HSPA12B: variants seen among roughly 807,000 people sequenced by gnomAD.
HSPA12B encodes heat shock protein family A (Hsp70) member 12B, also known as heat shock 70 kDa protein 12B.
HSPA12B carries 54 observed loss-of-function variants against 69.3 expected under a neutral mutation model. That is an observed-to-expected ratio of 0.78 (90% CI 0.63 to 0.98). The LOEUF is 0.98. Ranked by LOEUF, HSPA12B falls within the 50% of genes least tolerant of loss-of-function variation. HSPA12B has a pLI of 0.00. For missense variants in HSPA12B, 929 were observed against 999.8 expected, an observed-to-expected ratio of 0.93 and a Z score of 0.96; for synonymous variants, 441 against 436.5, an observed-to-expected ratio of 1.01 and a Z score of -0.13.
intron 11 of HSPA12B, chr20:3,750,509 C>T (rs796840038): frequency 1.6e-5 from 4 of 256,222 alleles, no homozygotes; most frequent in African/African-American, 9.2e-5. Flanking sequence ...TACACCCCCA[C>T]CCCGGGCCCT....
chr20:3,747,351 A>G (rs2088324890), intron 7 of HSPA12B, among the ~76,000 whole-genome samples: 1 of 152,194 alleles, frequency 6.6e-6, no homozygotes, highest in Admixed American at 6.5e-5. Context: ...CCCTGAGCAC[A>G]GTGGACATCC....
intron 4 of HSPA12B, among the ~76,000 whole-genome samples, chr20:3,743,404 A>C (rs1220992670): frequency 1.3e-5 from 2 of 151,914 alleles, no homozygotes; most frequent in Non-Finnish European, 2.9e-5. Flanking sequence ...CTGTGTTGCC[A>C]GGGCTGGTCT....
rs928139918 is a variant in HSPA12B at position 3,740,342 on chromosome 20, G to A, written c.44-473G>A. Among the ~76,000 whole-genome samples, 15 of 152,120 alleles carry A rather than the reference G, an allele frequency of 9.9e-5. No homozygotes were observed. The highest frequency in any genetic ancestry group is 3.6e-4 in the African/African-American group (15 of 41,428). ...TCCCTCAAGTCCTGATTAGAACCAC[G>A]TGGCCCAACTTTAGGGTGGAGGGGA... On this transcript the variant is annotated intron_variant, in intron 2 of 12. Coordinates refer to ENST00000254963, the MANE Select transcript of HSPA12B (RefSeq NM_052970.5). The surrounding 1 kb of genome is among the most constrained non-coding windows in gnomAD (Gnocchi z 4.9).
intron 3 of HSPA12B, among the ~76,000 whole-genome samples, chr20:3,741,155 C>G (rs922936274): frequency 6.6e-6 from 1 of 152,132 alleles, no homozygotes; most frequent in African/African-American, 2.4e-5. Context: ...TCCCAACCCC[C>G]CCACACAGGA....
chr20:3,742,295 C>T lies in HSPA12B; in HGVS notation c.153C>T (p.Val51=), dbSNP rs776050974. 1.2e-6 allele frequency: 2 copies of T among 1,613,874 alleles called. No homozygotes were observed. Among genetic ancestry groups the T allele is most frequent in the South Asian group, 1.1e-5 (1 of 91,064 alleles). The change falls in exon 4 of 13, where the codon GTC becomes GTT. Residue 51 remains valine, a synonymous_variant. Coordinates refer to ENST00000254963, the MANE Select transcript of HSPA12B (RefSeq NM_052970.5). ...LTPSQSPKPE[V]RAPQQASFSV... is the part of the protein sequence containing the mutation. ...TCTTGCACTTGCAGAAACCCGAGGT[C>T]CGAGCCCCCCAGCAGGCCTCCTTCT... is the stretch of plus-strand genomic sequence containing the variant.
At position 3,751,960 on chromosome 20, in the gene HSPA12B, A is replaced by G. The variant is rs1281594807; in HGVS notation, c.1855A>G (p.Ile619Val). 1 of 1,582,234 alleles carries G rather than the reference A, an allele frequency of 6.3e-7. No homozygotes were observed. Among genetic ancestry groups the G allele is most frequent in the Non-Finnish European group, 8.6e-7 (1 of 1,169,352 alleles). The change falls in exon 13 of 13, where the codon ATC (isoleucine) becomes GTC (valine). Residue 619 changes from isoleucine (I) to valine (V), a missense_variant. Ile to Val is a conservative substitution (Grantham distance 29, BLOSUM62 3). This residue lies in a region of HSPA12B where 448 missense variants were observed against 448.1 expected (regional missense o/e 1.00). Transcript: ENST00000254963. ...CTGCGCGGCAGAGGATGCGCGCTTC[A>G]TCACCGACCCCGGCGTGCGCAAATG... ...YCCAAEDARF[I>V]TDPGVRKCGA...
intron 11 of HSPA12B, chr20:3,750,562 A>T: frequency 1.8e-6 from 1 of 552,642 alleles, no homozygotes; most frequent in Non-Finnish European, 2.3e-6. Flanking sequence ...AAGCAAGGGG[A>T]GGCCCCTCCC....
At chr20:3,733,991 C>T (rs2088070093) in intron 1 of HSPA12B, among the ~76,000 whole-genome samples, 1 of 152,206 alleles carries the variant, frequency 6.6e-6, no homozygotes, top group South Asian at 2.1e-4. Context: ...GGAAGAGATC[C>T]TCCGAGGATT....
chr20:3,735,215 G>T (rs1344259665), intron 1 of HSPA12B, among the ~76,000 whole-genome samples: 1 of 152,146 alleles, frequency 6.6e-6, no homozygotes, highest in East Asian at 1.9e-4. Context: ...TTGCATATCT[G>T]GACTTGTTAA....
At position 3,751,714 on chromosome 20, in the gene HSPA12B, C is replaced by A. The variant is rs1468769060; in HGVS notation, c.1609C>A (p.Arg537Ser). 4.0e-6 allele frequency: 6 copies of A among 1,484,416 alleles called. No individual in the cohort carries two copies. In the Admixed American group the frequency reaches 1.2e-4, roughly 29 times the overall value. 92.0% of individuals were successfully genotyped at this position (1,484,416 alleles called of 1,614,324 possible). A position where few individuals can be genotyped will look rare whatever the true frequency, so the allele number is the denominator to read the frequency against. The part of the protein sequence containing the change: ...FGQAPGVVRV[R>S]RSPLTYGVGV... ...CCAGGCGCCGGGCGTGGTGCGGGTC[C>A]GCCGCTCGCCGCTCACCTATGGCGT... Residue 537 changes from arginine (R) to serine (S), a missense_variant, in exon 13 of 13, where the codon CGC becomes AGC. By Grantham distance (110) the Arg-to-Ser change is moderately radical. Transcript: ENST00000254963.
Position 3,738,692 on chromosome 20 carries a change from G to T in HSPA12B, c.18G>T (p.Glu6Asp). ...CTGCAAGGATGTTGGCTGTCCCGGA[G>T]ATGGGCCTGCAGGGGCTGTACATCG... MLAVP[E>D]MGLQGLYIGS... Residue 6 changes from glutamate (E) to aspartate (D), a missense_variant, in exon 2 of 13, where the codon GAG (glutamate) becomes GAT (aspartate). Physicochemically the swap from Glu to Asp is conservative, Grantham distance 45. Coordinates refer to ENST00000254963, the MANE Select transcript of HSPA12B (RefSeq NM_052970.5). The T allele has an allele frequency of 6.2e-7, 1 of 1,614,148 alleles. No homozygotes were observed. The highest frequency in any genetic ancestry group is 1.1e-5 in the South Asian group (1 of 91,078).
In HSPA12B at chr20:3,737,159, T is replaced by G. The variant is rs1029466796; in HGVS notation, c.-17-1499T>G. Among the ~76,000 whole-genome samples the G allele has an allele frequency of 6.6e-6, 1 of 152,210 alleles. No individual in the cohort carries two copies. Among genetic ancestry groups the G allele is most frequent in the Non-Finnish European group, 1.5e-5 (1 of 68,040 alleles). ...CTGGGCTGGGGCCTGAGGTTCTGCA[T>G]TTCTAACAAGCTTCCAGGTGATACC... is the stretch of plus-strand genomic sequence containing the variant. On this transcript the variant is annotated intron_variant, in intron 1 of 12. Coordinates refer to ENST00000254963, the MANE Select transcript of HSPA12B (RefSeq NM_052970.5). The surrounding 1 kb of genome is among the most constrained non-coding windows in gnomAD (Gnocchi z 4.1).
intron 2 of HSPA12B, 44 bp downstream of exon 2, chr20:3,738,761 C>A: frequency 6.2e-7 from 1 of 1,609,760 alleles, no homozygotes; most frequent in Non-Finnish European, 8.5e-7. Flanking sequence ...ACCCACTCAC[C>A]CGAGCAGGCA....
rs1231175674 is a variant in HSPA12B at position 3,740,959 on chromosome 20, G to T, written c.141+47G>T. ...GGTGGTGGGTGACCTGGCTGGTGTG[G>T]ACAGGGTCGTGCGTGGCAAAGTCAT... On this transcript the variant is annotated intron_variant, in intron 3 of 12. Coordinates refer to ENST00000254963, the MANE Select transcript of HSPA12B (RefSeq NM_052970.5). This position sits in a 1 kb window ranked among gnomAD's most constrained non-coding sequence, Gnocchi z 4.9. 6.5e-7 allele frequency: 1 copy of T among 1,533,620 alleles called. No individual in the cohort carries two copies. Among genetic ancestry groups the T allele is most frequent in the Non-Finnish European group, 8.9e-7 (1 of 1,120,260 alleles).
intron 2 of HSPA12B, among the ~76,000 whole-genome samples, chr20:3,739,061 G>T (rs545457895): frequency 3.3e-5 from 5 of 152,186 alleles, no homozygotes; most frequent in Admixed American, 2.6e-4. Flanking sequence ...ATGCATGTGC[G>T]TGTGTTTTGT....
Position 3,745,572 on chromosome 20 carries a change from G to T in HSPA12B, c.533G>T (p.Arg178Leu). 1.2e-6 allele frequency: 2 copies of T among 1,614,106 alleles called. No individual in the cohort carries two copies. The highest frequency in any genetic ancestry group is 4.5e-5 in the East Asian group (2 of 44,882). The change falls in exon 6 of 13, where the codon CGC (arginine) becomes CTC (leucine). Residue 178 changes from arginine to leucine, a missense_variant. By Grantham distance (102) the Arg-to-Leu change is moderately radical. This residue lies in a region of HSPA12B where 477 missense variants were observed against 535.2 expected (regional missense o/e 0.89). Coordinates refer to ENST00000254963, the MANE Select transcript of HSPA12B (RefSeq NM_052970.5). This position sits in a 1 kb window ranked among gnomAD's most constrained non-coding sequence, Gnocchi z 5.6. ...PALEVFAHAL[R>L]FFREHALQEL... ...CTGGAGGTGTTCGCCCATGCCCTGC[G>T]CTTCTTCAGGGAGCACGCCCTTCAG...
intron 7 of HSPA12B, among the ~76,000 whole-genome samples, chr20:3,747,548 G>A (rs190856436): frequency 1.8e-3 from 269 of 152,276 alleles, no homozygotes; most frequent in African/African-American, 5.5e-3. Context: ...GTCAGAATCT[G>A]GGGAACCCTA....
chr20:3,750,270 G>A (rs1256218393), intron 11 of HSPA12B, 43 bp downstream of exon 11: 2 of 1,536,632 alleles, frequency 1.3e-6, no homozygotes, highest in African/African-American at 1.4e-5. Context: ...TTGCCGACCC[G>A]GGAATGACCG....
rs368552157 is a variant in HSPA12B, at chr20:3,737,013, G to A, written c.-17-1645G>A. ...GCAGTGAGCTGAGAACTGAGATCAC[G>A]CCACTGCACTCCAGCCTGGGGGACA... On this transcript the variant is annotated intron_variant, in intron 1 of 12. Coordinates refer to ENST00000254963, the MANE Select transcript of HSPA12B (RefSeq NM_052970.5). The surrounding 1 kb of genome is among the most constrained non-coding windows in gnomAD (Gnocchi z 4.1). 9.2e-5 allele frequency among the ~76,000 whole-genome samples: 14 copies of A among 152,116 alleles called. No individual in the cohort carries two copies. In the East Asian group the frequency reaches 2.1e-3, roughly 23 times the overall value.
Sources: gnomAD v4.1 joint callset for allele counts (sites outside exome capture counted in the v4.1 genomes callset) on GRCh38, gnomAD v4.1.1 for gene constraint, gnomAD v4.1.1 regional missense constraint, Gnocchi (gnomAD v3.1) non-coding constraint, MANE v1.5 for transcripts, NCBI Gene and HGNC (gene_info 2026-07-23, HGNC 2026-07-21) for gene names.